Variants in SLFN12L observed in about 807,000 individuals in gnomAD.
SLFN12L encodes the protein schlafen family member 12 like, also known as schlafen family member 12-like.
Under a neutral mutation model 34.8 loss-of-function variants are expected in SLFN12L, and 34 were observed. The observed-to-expected ratio is 0.98, with a 90% CI of 0.74 to 1.30. SLFN12L has a LOEUF of 1.30. Ranked by LOEUF, SLFN12L falls within the 50% of genes most tolerant of loss-of-function variation. The pLI is 0.00. For missense variants in SLFN12L, 703 were observed against 696.2 expected, an observed-to-expected ratio of 1.01 and a Z score of -0.11; for synonymous variants, 259 against 247.5, an observed-to-expected ratio of 1.05 and a Z score of -0.44.
chr17:35,522,407 A>G lies in SLFN12L; in HGVS notation c.-43T>C, dbSNP rs555706887. 497 of 1,614,188 alleles carry G rather than the reference A, an allele frequency of 3.1e-4. 1 individual carries two copies. The highest frequency in any genetic ancestry group is 2.8e-3 in the Middle Eastern group (17 of 6,062). ...TGGTCTTTCCTAAGCCAGGTAAGCC[A>G]TGGACAAACAATTCTCTGTTCTTGT... On this transcript the variant is annotated 5_prime_UTR_variant, in exon 2 of 5. An upstream start codon of the reference 5' UTR is lost. Coordinates refer to ENST00000628453, the MANE Select transcript of SLFN12L (RefSeq NM_001363830.2).
At chr17:35,478,292 G>T in intron 3 of SLFN12L, 107 bp from the exon 4 acceptor site, 1 of 665,386 alleles carries the variant, frequency 1.5e-6, no homozygotes. Flanking sequence ...AACTGATCCT[G>T]CATTCCCAAT....
At chr17:35,519,545 A>G (rs1210481154) in intron 2 of SLFN12L, among the ~76,000 whole-genome samples, 1 of 152,216 alleles carries the variant, frequency 6.6e-6, no homozygotes, top group African/African-American at 2.4e-5. Context: ...AATTCCAAAT[A>G]ACTTATGTAT....
At chr17:35,500,215 A>G (rs1201598163) in intron 2 of SLFN12L, 1 of 152,168 alleles carries the variant, frequency 6.6e-6, no homozygotes, top group East Asian at 1.9e-4. Context: ...TGCAACCGAG[A>G]CAGTATAATT....
intron 2 of SLFN12L, among the ~76,000 whole-genome samples, chr17:35,509,489 C>T (rs138994767): frequency 2.9e-4 from 44 of 152,106 alleles, no homozygotes; most frequent in African/African-American, 8.7e-4. Flanking sequence ...TCTGCATGCC[C>T]GCCCATTTAG....
intron 1 of SLFN12L, among the ~76,000 whole-genome samples, chr17:35,531,083 A>G (rs1166833145): frequency 6.6e-6 from 1 of 152,252 alleles, no homozygotes; most frequent in Admixed American, 6.5e-5. Flanking sequence ...AAAAAGAACT[A>G]GATCACAAAG....
chr17:35,473,085 T>C lies in SLFN12L; in HGVS notation c.*1838A>G, dbSNP rs1004507747. ...ATGGGATTTTCTAGATATAAAATCA[T>C]CTCATCTACAAATAAAGACAATTTG... On this transcript the variant is annotated 3_prime_UTR_variant, in exon 5 of 5. Coordinates refer to ENST00000628453, the MANE Select transcript of SLFN12L (RefSeq NM_001363830.2). Among the ~76,000 whole-genome samples the C allele has an allele frequency of 2.6e-5, 4 of 152,220 alleles. No individual in the cohort carries two copies. Among genetic ancestry groups the C allele is most frequent in the Non-Finnish European group, 4.4e-5 (3 of 68,038 alleles).
chr17:35,524,077 T>A (rs1038760238), intron 1 of SLFN12L, among the ~76,000 whole-genome samples: 1 of 152,236 alleles, frequency 6.6e-6, no homozygotes, highest in Non-Finnish European at 1.5e-5. Context: ...CAAACTTTAC[T>A]GGTAATTGTT....
intron 2 of SLFN12L, chr17:35,499,254 CT>C: frequency 1.2e-6 from 1 of 846,430 alleles, no homozygotes; most frequent in Non-Finnish European, 1.7e-6. Context: ...CACGACATAT[CT>C]TAGAATGGAC....
At chr17:35,529,440 C>T (rs563507310) in intron 1 of SLFN12L, among the ~76,000 whole-genome samples, 1 of 152,268 alleles carries the variant, frequency 6.6e-6, no homozygotes, top group South Asian at 2.1e-4. Flanking sequence ...GACTTGGAAC[C>T]AACCCAAATG....
intron 1 of SLFN12L, among the ~76,000 whole-genome samples, chr17:35,533,252 G>A (rs1442106047): frequency 1.3e-5 from 2 of 152,164 alleles, no homozygotes; most frequent in East Asian, 3.8e-4. Context: ...GCATATTAAT[G>A]AACTAGGTAC....
rs1915191538 is a variant in SLFN12L at position 35,498,874 on chromosome 17, A to G, written c.87-18679T>C. ...AGTGGCAGCTCCTCCCGCAGTGAGA[A>G]CAATTACTTGGAGGCCCCTGATATG... On this transcript the variant is annotated intron_variant, in intron 2 of 4. Coordinates refer to ENST00000628453, the MANE Select transcript of SLFN12L (RefSeq NM_001363830.2). 5 of 708,046 alleles carry G rather than the reference A, an allele frequency of 7.1e-6. No individual in the cohort carries two copies. The South Asian group carries it at 8.2e-5, about 12-fold the overall frequency. 43.9% of individuals were successfully genotyped at this position (708,046 alleles called of 1,614,324 possible). A position where few individuals can be genotyped will look rare whatever the true frequency, so the allele number is the denominator to read the frequency against.
At chr17:35,537,434 C>T (rs2072472941) in intron 1 of SLFN12L, 139 bp downstream of exon 1, 1 of 152,210 alleles carries the variant, frequency 6.6e-6, no homozygotes, top group Admixed American at 6.5e-5. Flanking sequence ...TTCATCCTCT[C>T]TTGCCTAAAG....
At chr17:35,481,240 G>A (rs1914324639) in intron 2 of SLFN12L, among the ~76,000 whole-genome samples, 1 of 152,214 alleles carries the variant, frequency 6.6e-6, no homozygotes, top group South Asian at 2.1e-4. Flanking sequence ...AGCAGACCGG[G>A]AAGGGGAGTC....
At chr17:35,475,547 A>G in intron 4 of SLFN12L, 62 bp from the exon 5 acceptor site, 2 of 1,475,694 alleles carry the variant, frequency 1.4e-6, no homozygotes, top group East Asian at 2.4e-5. Context: ...AGCCATGGAT[A>G]CAAAGCAGCT....
Position 35,495,635 on chromosome 17 carries a change from C to G in SLFN12L, c.87-15440G>C, listed in dbSNP as rs533101790. Reference sequence around the variant, plus strand: ...CTTTGGCTCTCCCCGGGGTGGGTTGCGGCGCTCAGAAGCTTCGGCCCGCGC... The same window carrying G: ...CTTTGGCTCTCCCCGGGGTGGGTTGGGGCGCTCAGAAGCTTCGGCCCGCGC... On this transcript the variant is annotated intron_variant, in intron 2 of 4. Transcript: ENST00000628453. 7.1e-3 allele frequency among the ~76,000 whole-genome samples: 1,074 copies of G among 152,020 alleles called. 9 individuals carry two copies. Among genetic ancestry groups the G allele is most frequent in the African/African-American group, 0.024 (1,001 of 41,444 alleles).
intron 2 of SLFN12L, among the ~76,000 whole-genome samples, chr17:35,503,255 T>C (rs182041859): frequency 6.6e-6 from 1 of 152,322 alleles, no homozygotes; most frequent in African/African-American, 2.4e-5. Flanking sequence ...TGTGTGTAAA[T>C]ATATTAGCTA....
chr17:35,530,494 A>AAGAGAG (rs950884601), intron 1 of SLFN12L, among the ~76,000 whole-genome samples: 1 of 43,646 alleles, frequency 2.3e-5, no homozygotes, highest in African/African-American at 6.3e-5. Context: ...GAAAGAAAGA[A>AAGAGAG]AGAAAGAAAG....
At chr17:35,498,747 T>C (rs1168378613) in intron 2 of SLFN12L, 11 of 1,286,346 alleles carry the variant, frequency 8.6e-6, no homozygotes, top group Non-Finnish European at 1.2e-5. Flanking sequence ...CCTTATCCAC[T>C]ACCTCCAAAG....
intron 3 of SLFN12L, 21 bp from the exon 4 acceptor site, chr17:35,478,206 A>G: frequency 2.1e-6 from 3 of 1,458,054 alleles, no homozygotes; most frequent in Non-Finnish European, 2.8e-6. Flanking sequence ...ATGTTAGAAA[A>G]CAAAAATCAC....
Sources: gnomAD v4.1 joint callset for allele counts (sites outside exome capture counted in the v4.1 genomes callset) on GRCh38, gnomAD v4.1.1 for gene constraint, MANE v1.5 for transcripts, NCBI Gene and HGNC (gene_info 2026-07-23, HGNC 2026-07-21) for gene names.